Variants in ENPP2 observed in about 807,000 individuals in gnomAD.
ENPP2 encodes ectonucleotide pyrophosphatase/phosphodiesterase 2, also known as autotaxin.
A neutral mutation model predicts 120.2 loss-of-function variants in ENPP2; 51 were observed. That is an observed-to-expected ratio of 0.42 (90% CI 0.34 to 0.54). The LOEUF is 0.54. ENPP2 is among the 20% of genes least tolerant of loss of function. The pLI is 0.04. For missense variants in ENPP2, 920 were observed against 1,066.5 expected (o/e 0.86, Z 1.91); for synonymous variants, 365 against 366.4 (o/e 1.00, Z 0.04).
intron 5 of ENPP2, chr8:119,618,146 T>C (rs1407502755): frequency 2.8e-6 from 1 of 359,018 alleles, no homozygotes; most frequent in Non-Finnish European, 5.4e-6. Flanking sequence ...AATAACACAG[T>C]GACCTGTTAT....
chr8:119,626,382 T>C (rs1336154053), intron 3 of ENPP2, among the ~76,000 whole-genome samples, 183 bp downstream of exon 3: 1 of 152,186 alleles, frequency 6.6e-6, no homozygotes, highest in Non-Finnish European at 1.5e-5. Flanking sequence ...CTGGAACCTA[T>C]GTGGAAACAA....
At chr8:119,607,695 G>C (rs932523695) in intron 9 of ENPP2, among the ~76,000 whole-genome samples, 13 of 151,540 alleles carry the variant, frequency 8.6e-5, no homozygotes, top group Non-Finnish European at 1.8e-4. Flanking sequence ...AAAATAGAGA[G>C]AGACAGGATG....
intron 15 of ENPP2, among the ~76,000 whole-genome samples, chr8:119,585,570 T>G (rs988923055): frequency 6.6e-6 from 1 of 152,202 alleles, no homozygotes; most frequent in African/African-American, 2.4e-5. Flanking sequence ...CTTCCAGGTC[T>G]GTGTGAAAAT....
At chr8:119,562,634 T>C (rs1404772966) in intron 24 of ENPP2, among the ~76,000 whole-genome samples, 1 of 152,148 alleles carries the variant, frequency 6.6e-6, no homozygotes, top group Non-Finnish European at 1.5e-5. Context: ...ATTGTACACA[T>C]TGATAGAATT....
chr8:119,569,268 TATC>T lies in ENPP2; in HGVS notation c.2017_2019del (p.Asp673del). On this transcript the variant is annotated inframe_deletion, in exon 21 of 25. Transcript: ENST00000075322. The stretch of plus-strand genomic sequence containing the variant: ...AAGAGGAATCCGTAGGACATCTGCT[TATC>T]ATTTTTGTAGGCCAAACAGTTCTGA... The T allele has an allele frequency of 1.1e-5, 18 of 1,614,056 alleles. No homozygotes were observed. Among genetic ancestry groups the T allele is most frequent in the Non-Finnish European group, 1.5e-5 (18 of 1,179,988 alleles).
intron 11 of ENPP2, among the ~76,000 whole-genome samples, chr8:119,600,174 C>T (rs1814195892): frequency 6.6e-6 from 1 of 152,100 alleles, no homozygotes; most frequent in South Asian, 2.1e-4. Flanking sequence ...GTATTAAATT[C>T]AAAAGGGTCC....
intron 24 of ENPP2, among the ~76,000 whole-genome samples, chr8:119,562,418 G>A (rs1489843942): frequency 6.6e-6 from 1 of 152,128 alleles, no homozygotes; most frequent in East Asian, 1.9e-4. Flanking sequence ...ACTCCAGCCT[G>A]GGCGACAGAG....
At chr8:119,615,150 A>G (rs968251498) in intron 8 of ENPP2, among the ~76,000 whole-genome samples, 8 of 152,136 alleles carry the variant, frequency 5.3e-5, no homozygotes, top group African/African-American at 1.9e-4. Context: ...GTACAAGATC[A>G]TTGAGGCATG....
intron 9 of ENPP2, among the ~76,000 whole-genome samples, chr8:119,605,461 TG>T (rs1814647113): frequency 2.0e-5 from 3 of 150,334 alleles, no homozygotes; most frequent in African/African-American, 7.4e-5. Flanking sequence ...TGTGTGTGTG[TG>T]TGTATTTTTT....
chr8:119,643,105 C>T (rs1333009888), upstream of ENPP2, among the ~76,000 whole-genome samples: 2 of 152,190 alleles, frequency 1.3e-5, no homozygotes, highest in African/African-American at 2.4e-5. Flanking sequence ...ATAGCGCATA[C>T]ACTACAAAAG....
At chr8:119,613,801 A>T (rs1012804308) in intron 8 of ENPP2, among the ~76,000 whole-genome samples, 6 of 152,094 alleles carry the variant, frequency 3.9e-5, no homozygotes, top group Non-Finnish European at 7.4e-5. Context: ...GTTTCAATGC[A>T]TGTGTACATT....
chr8:119,610,606 T>TA (rs781524667), intron 8 of ENPP2, among the ~76,000 whole-genome samples: 2,294 of 147,648 alleles, frequency 0.016, 21 homozygotes, highest in Non-Finnish European at 0.023. Context: ...GAGGGTAGTT[T>TA]AAAAAAAAAA....
At chr8:119,602,621 A>G (rs1814396548) in intron 9 of ENPP2, among the ~76,000 whole-genome samples, 1 of 152,188 alleles carries the variant, frequency 6.6e-6, no homozygotes, top group Non-Finnish European at 1.5e-5. Flanking sequence ...CTCACAGCTA[A>G]CATGACAGTA....
intron 11 of ENPP2, among the ~76,000 whole-genome samples, chr8:119,597,616 A>G (rs1813989285): frequency 6.6e-6 from 1 of 152,230 alleles, no homozygotes. Context: ...TTGCCATCTG[A>G]AGGTAGAGAC....
intron 1 of ENPP2, among the ~76,000 whole-genome samples, chr8:119,662,654 C>T (rs75622088): frequency 0.013 from 1,941 of 152,256 alleles, 25 homozygotes; most frequent in South Asian, 0.049. Context: ...CTGTCTTTTG[C>T]TTTGCAAGTG....
chr8:119,596,113 G>T (rs1385518287), intron 11 of ENPP2: 3 of 996,846 alleles, frequency 3.0e-6, no homozygotes, highest in Admixed American at 5.2e-5. Flanking sequence ...AATAACTAAG[G>T]CTCCTTAAGT....
At chr8:119,611,098 T>G (rs573943474) in intron 8 of ENPP2, among the ~76,000 whole-genome samples, 3 of 152,260 alleles carry the variant, frequency 2.0e-5, no homozygotes, top group East Asian at 3.9e-4. Context: ...GATGTGCTAT[T>G]TATTAGAAAT....
At position 119,669,724 on chromosome 8, in the gene ENPP2, G is replaced by A. The variant is rs1818184741; in HGVS notation, c.21+3528C>T. 2.0e-5 allele frequency among the ~76,000 whole-genome samples: 3 copies of A among 152,318 alleles called. No homozygotes were observed. In the East Asian group the frequency reaches 5.8e-4, roughly 29 times the overall value. ...TGAAAGTTCATACAAAGTGCAATAT[G>A]TGGTGTATCCTGCATTTTTTTCTGA... On this transcript the variant is annotated intron_variant, in intron 1 of 25. Coordinates refer to the ENPP2 transcript ENST00000427067.
chr8:119,671,151 A>AAAG (rs1818233711), intron 1 of ENPP2, among the ~76,000 whole-genome samples: 2 of 150,022 alleles, frequency 1.3e-5, no homozygotes, highest in African/African-American at 4.9e-5. Context: ...AAAAAAAAAA[A>AAAG]TTAGCCTGGC....
Sources: gnomAD v4.1 joint callset for allele counts (sites outside exome capture counted in the v4.1 genomes callset) on GRCh38, gnomAD v4.1.1 for gene constraint, MANE v1.5 for transcripts, NCBI Gene and HGNC (gene_info 2026-07-23, HGNC 2026-07-21) for gene names.